The following DCLK1 variants were observed in gnomAD, a reference collection of about 807,000 sequenced individuals.
DCLK1 encodes serine/threonine-protein kinase DCLK1.
DCLK1 carries 16 observed loss-of-function variants against 86.2 expected under a neutral mutation model. That is an observed-to-expected ratio of 0.19 (90% CI 0.13 to 0.28). DCLK1 has a LOEUF of 0.28. DCLK1 is among the 10% of genes least tolerant of loss of function. The pLI is 1.00. For synonymous variants in DCLK1, 369 were observed against 370.5 expected (o/e 1.00, Z 0.05); for missense variants, 590 against 940.2 (o/e 0.63, Z 4.87).
At chr13:35,843,410 G>C (rs1295916479) in intron 6 of DCLK1, among the ~76,000 whole-genome samples, 3 of 152,164 alleles carry the variant, frequency 2.0e-5, no homozygotes, top group African/African-American at 4.8e-5. Context: ...CACATCCTAA[G>C]TGTAGCTATT....
intron 11 of DCLK1, among the ~76,000 whole-genome samples, chr13:35,821,116 A>G (rs1275641319): frequency 6.6e-6 from 1 of 152,216 alleles, no homozygotes; most frequent in African/African-American, 2.4e-5. Context: ...CTTCTACTTA[A>G]GAGCTGTGAC....
intron 3 of DCLK1, among the ~76,000 whole-genome samples, chr13:36,108,305 C>G (rs1383108318): frequency 6.6e-6 from 1 of 152,230 alleles, no homozygotes; most frequent in East Asian, 1.9e-4. Context: ...TTATGAACCA[C>G]AACGGTCATC....
intron 3 of DCLK1, among the ~76,000 whole-genome samples, chr13:36,001,718 C>T (rs929514057): frequency 6.6e-6 from 1 of 152,160 alleles, no homozygotes; most frequent in African/African-American, 2.4e-5. Context: ...AGACTCATCA[C>T]CCTGGAGAAT....
intron 3 of DCLK1, among the ~76,000 whole-genome samples, chr13:36,043,403 A>G (rs904712913): frequency 1.6e-4 from 25 of 152,074 alleles, no homozygotes; most frequent in Non-Finnish European, 4.4e-5. Flanking sequence ...AAATATGACA[A>G]ACTTTAAAGA....
intron 9 of DCLK1, 81 bp downstream of exon 9, chr13:35,828,169 T>C (rs896458406): frequency 8.5e-7 from 1 of 1,182,924 alleles, no homozygotes; most frequent in Admixed American, 1.8e-5. Flanking sequence ...AGGGTGAACT[T>C]GTATTTGTTT....
intron 16 of DCLK1, among the ~76,000 whole-genome samples, chr13:35,792,532 T>C (rs1004428803): frequency 2.0e-5 from 3 of 152,178 alleles, no homozygotes; most frequent in Non-Finnish European, 4.4e-5. Flanking sequence ...AATTCTTTGT[T>C]TGGAGAAGAA....
At chr13:36,040,313 T>C (rs920501289) in intron 3 of DCLK1, among the ~76,000 whole-genome samples, 1 of 145,354 alleles carries the variant, frequency 6.9e-6, no homozygotes, top group Non-Finnish European at 1.5e-5. Context: ...TTGTTTTTGA[T>C]GACCTTGACA....
At chr13:36,072,983 A>G (rs1884033284) in intron 3 of DCLK1, among the ~76,000 whole-genome samples, 1 of 152,224 alleles carries the variant, frequency 6.6e-6, no homozygotes, top group African/African-American at 2.4e-5. Flanking sequence ...ATCTCACCTC[A>G]AATCATCTAA....
intron 3 of DCLK1, among the ~76,000 whole-genome samples, chr13:36,037,413 G>T (rs959427416): frequency 6.6e-6 from 1 of 152,080 alleles, no homozygotes; most frequent in African/African-American, 2.4e-5. Context: ...CTAGCATAAA[G>T]AAAAGATATA....
rs1420534780 is a variant in DCLK1 at position 35,846,102 on chromosome 13, T to C, written c.1036-6926A>G. 6 of 985,304 alleles carry C rather than the reference T, an allele frequency of 6.1e-6. No homozygotes were observed. In the African/African-American group the frequency reaches 1.0e-4, roughly 17 times the overall value. 61.0% of individuals were successfully genotyped at this position (985,304 alleles called of 1,614,324 possible). ...CCTTAGCTCTATAAAGCTCTGCTGATGGACTTAGTTGATGGATTTAAAAAA... is the reference window on the plus strand; with the variant it reads ...CCTTAGCTCTATAAAGCTCTGCTGACGGACTTAGTTGATGGATTTAAAAAA... On this transcript the variant is annotated intron_variant, in intron 6 of 16. Transcript: ENST00000360631.
intron 4 of DCLK1, among the ~76,000 whole-genome samples, chr13:35,889,794 C>T (rs2153118976): frequency 6.6e-6 from 1 of 152,138 alleles, no homozygotes; most frequent in South Asian, 2.1e-4. Flanking sequence ...ATTTTCCTTC[C>T]AATTTATTTA....
At chr13:35,859,366 C>A (rs938029323) in intron 5 of DCLK1, among the ~76,000 whole-genome samples, 9 of 151,704 alleles carry the variant, frequency 5.9e-5, no homozygotes, top group African/African-American at 1.2e-4. Context: ...AAATGTCATC[C>A]TTTGCTGTGC....
intron 3 of DCLK1, among the ~76,000 whole-genome samples, chr13:36,036,860 T>C (rs575881107): frequency 4.6e-5 from 7 of 152,246 alleles, no homozygotes; most frequent in Non-Finnish European, 8.8e-5. Context: ...TATGATATGA[T>C]CCAGCAATTC....
intron 10 of DCLK1, among the ~76,000 whole-genome samples, chr13:35,826,907 C>CA (rs1378145572): frequency 6.6e-6 from 1 of 152,124 alleles, no homozygotes; most frequent in Non-Finnish European, 1.5e-5. Flanking sequence ...CTTACACGTT[C>CA]AGTTTGATGA....
chr13:36,126,217 A>T (rs74044530), intron 1 of DCLK1, 61 bp from the exon 2 acceptor site: 443,335 of 1,196,260 alleles, frequency 0.37, 83,854 homozygotes, highest in East Asian at 0.62. Flanking sequence ...ATATATATAT[A>T]TTTTTTTGTT....
intron 7 of DCLK1, 76 bp downstream of exon 7, chr13:35,839,016 G>A (rs1022071021): frequency 1.7e-5 from 23 of 1,373,396 alleles, no homozygotes; most frequent in Admixed American, 1.2e-4. Flanking sequence ...TTCCGCTTGA[G>A]AAGCCACAGT....
At chr13:36,125,212 G>GGT (rs1393036280) in intron 2 of DCLK1, among the ~76,000 whole-genome samples, 1 of 152,204 alleles carries the variant, frequency 6.6e-6, no homozygotes, top group African/African-American at 2.4e-5. Flanking sequence ...AAGCATCGCA[G>GGT]TGGAACGAGC....
chr13:36,019,437 T>G lies in DCLK1; in HGVS notation c.724-71980A>C, dbSNP rs1047675128. ...AACAGATAATTATTTATCCAGAGTC[T>G]TATCAAAAGTATTGTCAGCCTGTTT... is the stretch of plus-strand genomic sequence containing the variant. On this transcript the variant is annotated intron_variant, in intron 3 of 16. Transcript: ENST00000360631. Among the ~76,000 whole-genome samples, 182 of 152,172 alleles carry G rather than the reference T, an allele frequency of 1.2e-3. 4 individuals carry two copies. The highest frequency in any genetic ancestry group is 2.9e-4 in the Non-Finnish European group (20 of 68,024).
chr13:35,944,867 C>T (rs547541443), intron 4 of DCLK1, among the ~76,000 whole-genome samples: 103 of 151,880 alleles, frequency 6.8e-4, no homozygotes, highest in African/African-American at 2.4e-3. Context: ...TGCATATCTC[C>T]GTATATAATC....
Sources: allele counts gnomAD v4.1 joint callset (sites outside exome capture counted in the v4.1 genomes callset), GRCh38; gene constraint gnomAD v4.1.1; transcripts MANE v1.5; gene names NCBI Gene and HGNC (gene_info 2026-07-23, HGNC 2026-07-21).